Variants in SGCZ observed in about 807,000 individuals in gnomAD.
SGCZ encodes zeta-sarcoglycan.
In SGCZ, 40 loss-of-function variants were observed where a neutral mutation model predicts 41.3. That is an observed-to-expected ratio of 0.97 (90% CI 0.75 to 1.26). The LOEUF (loss-of-function observed/expected upper bound fraction) is 1.26. SGCZ is among the 50% of genes most tolerant of loss of function. The pLI is 0.00. For missense variants in SGCZ, 552 were observed against 369.8 expected (o/e 1.49, Z -4.04); for synonymous variants, 206 against 137.5 (o/e 1.50, Z -3.49).
At chr8:14,897,072 G>C (rs893920015) in intron 1 of SGCZ, among the ~76,000 whole-genome samples, 2 of 152,028 alleles carry the variant, frequency 1.3e-5, no homozygotes, top group Non-Finnish European at 2.9e-5. Context: ...GTGAGCCACC[G>C]TGCCTGGCCC....
chr8:15,002,020 G>C (rs1254034117), intron 1 of SGCZ, among the ~76,000 whole-genome samples: 1 of 152,058 alleles, frequency 6.6e-6, no homozygotes, highest in African/African-American at 2.4e-5. Flanking sequence ...ACACATAAAA[G>C]AACATAAAAC....
At chr8:14,366,603 C>A (rs1284056636) in intron 2 of SGCZ, among the ~76,000 whole-genome samples, 2 of 152,050 alleles carry the variant, frequency 1.3e-5, no homozygotes, top group Non-Finnish European at 2.9e-5. Flanking sequence ...ACGGTCCCCC[C>A]AAAATCTTAA....
intron 1 of SGCZ, among the ~76,000 whole-genome samples, chr8:15,006,409 G>T (rs2061978): frequency 0.11 from 17,092 of 152,164 alleles, 1,590 homozygotes; most frequent in African/African-American, 0.26. Flanking sequence ...ATTTAGAAAA[G>T]GATTTAAATA....
chr8:15,234,760 AAAAAT>A (rs1190209042), intron 1 of SGCZ, among the ~76,000 whole-genome samples: 1 of 152,178 alleles, frequency 6.6e-6, no homozygotes, highest in Non-Finnish European at 1.5e-5. Context: ...CAGCACAGCA[AAAAAT>A]AAAAAAATTG....
intron 2 of SGCZ, among the ~76,000 whole-genome samples, chr8:14,541,308 C>G (rs890162699): frequency 1.3e-5 from 2 of 151,868 alleles, no homozygotes. Context: ...CCTTTACCCC[C>G]ACGCCCGGCA....
intron 1 of SGCZ, among the ~76,000 whole-genome samples, chr8:14,650,895 C>A (rs7815663): frequency 0.18 from 27,842 of 151,850 alleles, 3,208 homozygotes; most frequent in African/African-American, 0.32. Context: ...TATATACAGG[C>A]ATGCTTAAGA....
Position 14,821,656 on chromosome 8 carries a change from TA to T in SGCZ, c.40-266731del, listed in dbSNP as rs767500559. Among the ~76,000 whole-genome samples, 288 of 152,126 alleles carry T rather than the reference TA, an allele frequency of 1.9e-3. 1 individual carries two copies. The highest frequency in any genetic ancestry group is 2.6e-3 in the Non-Finnish European group (178 of 67,928). On this transcript the variant is annotated intron_variant, in intron 1 of 7. Coordinates refer to ENST00000382080, the MANE Select transcript of SGCZ (RefSeq NM_139167.4). ...CTGATTCTATGATGCAAGAATGTCT[TA>T]ACATACCCAAATCATTAAATGTGAT...
intron 1 of SGCZ, among the ~76,000 whole-genome samples, chr8:15,176,332 G>A (rs1800000645): frequency 6.6e-6 from 1 of 152,006 alleles, no homozygotes; most frequent in African/African-American, 2.4e-5. Context: ...TAATGAACAT[G>A]TTACATGTTA....
At chr8:14,180,704 G>C (rs1410511342) in intron 4 of SGCZ, among the ~76,000 whole-genome samples, 1 of 151,988 alleles carries the variant, frequency 6.6e-6, no homozygotes, top group Admixed American at 6.6e-5. Flanking sequence ...ATGAAGGTTT[G>C]TCATGGCCTT....
At chr8:14,748,919 T>C (rs911240088) in intron 1 of SGCZ, among the ~76,000 whole-genome samples, 6 of 152,094 alleles carry the variant, frequency 3.9e-5, no homozygotes, top group Non-Finnish European at 8.8e-5. Context: ...GAGACTAAGG[T>C]AGATTAAATG....
At chr8:14,703,217 G>C (rs752350517) in intron 1 of SGCZ, among the ~76,000 whole-genome samples, 3 of 151,906 alleles carry the variant, frequency 2.0e-5, no homozygotes, top group Non-Finnish European at 4.4e-5. Flanking sequence ...TACATGCAGT[G>C]ATCTGGTGGC....
chr8:14,368,278 C>A (rs1803785479), intron 2 of SGCZ, among the ~76,000 whole-genome samples: 1 of 151,912 alleles, frequency 6.6e-6, no homozygotes, highest in African/African-American at 2.4e-5. Context: ...AACTGCATTT[C>A]ATTAATCTTG....
chr8:14,810,031 A>G (rs1162674439), intron 1 of SGCZ, among the ~76,000 whole-genome samples: 3 of 152,136 alleles, frequency 2.0e-5, no homozygotes, highest in African/African-American at 7.2e-5. Context: ...GAAAAAGTAT[A>G]TCTTTTAGAT....
chr8:14,817,458 C>G (rs183067721), intron 1 of SGCZ, among the ~76,000 whole-genome samples: 114 of 152,280 alleles, frequency 7.5e-4, no homozygotes, highest in African/African-American at 2.7e-3. Flanking sequence ...AGCCCTTACC[C>G]TTGCAACCTA....
intron 1 of SGCZ, among the ~76,000 whole-genome samples, chr8:15,060,257 T>C (rs1344082599): frequency 1.3e-5 from 2 of 151,936 alleles, no homozygotes; most frequent in Non-Finnish European, 2.9e-5. Context: ...TAGCAAAGAC[T>C]TGGAACCAAC....
intron 1 of SGCZ, among the ~76,000 whole-genome samples, chr8:14,858,361 G>C (rs1187471508): frequency 6.6e-6 from 1 of 151,902 alleles, no homozygotes; most frequent in Non-Finnish European, 1.5e-5. Flanking sequence ...GAGTAACATT[G>C]TTTGACGCTT....
At chr8:14,861,531 T>C (rs1418567824) in intron 1 of SGCZ, among the ~76,000 whole-genome samples, 1 of 152,150 alleles carries the variant, frequency 6.6e-6, no homozygotes, top group Non-Finnish European at 1.5e-5. Flanking sequence ...TTGCATGACA[T>C]AAAGAACAGT....
At chr8:14,546,549 A>G (rs1031121355) in intron 2 of SGCZ, among the ~76,000 whole-genome samples, 1 of 152,178 alleles carries the variant, frequency 6.6e-6, no homozygotes, top group Non-Finnish European at 1.5e-5. Flanking sequence ...TGCTAAACTC[A>G]TAAATGTAGT....
chr8:15,233,469 T>C lies in SGCZ; in HGVS notation c.39+4116A>G, dbSNP rs192766995. On this transcript the variant is annotated intron_variant, in intron 1 of 7. Coordinates refer to ENST00000382080, the MANE Select transcript of SGCZ (RefSeq NM_139167.4). ...TTTTTTAATCAATCTCTTGTTTAAA[T>C]ACCTATGTATTTTTTGCTGTATTAT... Among the ~76,000 whole-genome samples, 3 of 152,178 alleles carry C rather than the reference T, an allele frequency of 2.0e-5. No homozygotes were observed. The East Asian group carries it at 5.8e-4, about 29-fold the overall frequency.
Sources: allele counts gnomAD v4.1 joint callset (sites outside exome capture counted in the v4.1 genomes callset), GRCh38; gene constraint gnomAD v4.1.1; transcripts MANE v1.5; gene names NCBI Gene and HGNC (gene_info 2026-07-23, HGNC 2026-07-21).